Variants in TLR1 observed in about 807,000 individuals in gnomAD.
TLR1 encodes the protein toll-like receptor 1.
Under a neutral mutation model 20.2 loss-of-function variants are expected in TLR1, and 19 were observed. That is an observed-to-expected ratio of 0.94 (90% CI 0.66 to 1.38). TLR1 has a LOEUF of 1.38. TLR1 is among the 40% of genes most tolerant of loss of function. The pLI is 0.00. For missense variants in TLR1, 921 were observed against 910.0 expected (o/e 1.01, Z -0.16); for synonymous variants, 320 against 334.5 (o/e 0.96, Z 0.47).
downstream of TLR1, among the ~76,000 whole-genome samples, chr4:38,789,007 A>AAAAT (rs547433444): frequency 1.0e-3 from 158 of 152,312 alleles, no homozygotes; most frequent in African/African-American, 3.3e-3. Flanking sequence ...CTCTATCTCT[A>AAAAT]AAATAAATAA....
At position 38,796,255 on chromosome 4, in the gene TLR1, T is replaced by C. The variant is rs4624663; in HGVS notation, c.*216A>G. 0.03 allele frequency: 16,274 copies of C among 546,750 alleles called. 368 individuals carry two copies. The highest frequency in any genetic ancestry group is 0.076 in the African/African-American group (4,026 of 53,282). The allele number at this position is 546,750 out of a possible 1,614,324, so 33.9% of individuals were successfully genotyped here. A position where few individuals can be genotyped will look rare whatever the true frequency, so the allele number is the denominator to read the frequency against. Reference sequence around the variant, plus strand: ...TATAGCAAAGAAACAAGTGGATCCCTTATGTGTCAGAACTGTTTAAATCAA... The same window carrying C: ...TATAGCAAAGAAACAAGTGGATCCCCTATGTGTCAGAACTGTTTAAATCAA... On this transcript the variant is annotated 3_prime_UTR_variant, in exon 4 of 4. Coordinates refer to ENST00000308979, the MANE Select transcript of TLR1 (RefSeq NM_003263.4).
downstream of TLR1, among the ~76,000 whole-genome samples, chr4:38,792,875 A>C (rs951614811): frequency 1.2e-4 from 18 of 148,026 alleles, 1 homozygote; most frequent in South Asian, 2.2e-4. Flanking sequence ...ATATATATAT[A>C]TCTCCAAATT....
downstream of TLR1, among the ~76,000 whole-genome samples, chr4:38,795,769 TAATC>T (rs1726006411): frequency 6.6e-6 from 1 of 152,228 alleles, no homozygotes; most frequent in African/African-American, 2.4e-5. Flanking sequence ...CGAGAATACT[TAATC>T]AAGCCATTTC....
chr4:38,803,936 A>C (rs1463944508), intron 2 of TLR1, among the ~76,000 whole-genome samples: 1 of 152,230 alleles, frequency 6.6e-6, no homozygotes, highest in Non-Finnish European at 1.5e-5. Context: ...TGGAGGCATC[A>C]AATCAAGGCT....
At chr4:38,799,600 A>G (rs1726492223) in intron 3 of TLR1, among the ~76,000 whole-genome samples, 1 of 152,204 alleles carries the variant, frequency 6.6e-6, no homozygotes, top group South Asian at 2.1e-4. Context: ...TCTGGCCCCA[A>G]GCTTCCCAAA....
In TLR1 at chr4:38,796,808, G is replaced by A; in HGVS notation, c.2024C>T (p.Pro675Leu). 1 of 1,614,206 alleles carries A rather than the reference G, an allele frequency of 6.2e-7. No individual in the cohort carries two copies. The change falls in exon 4 of 4, where the codon CCT (proline) becomes CTT (leucine). Residue 675 changes from proline to leucine, a missense_variant. Coordinates refer to ENST00000308979, the MANE Select transcript of TLR1 (RefSeq NM_003263.4). ...GATATTTTCCACAATGCTCTTGCCA[G>A]GAACAAAGTTTCTCTCATGAAGGCA... is the stretch of plus-strand genomic sequence containing the variant. ...QICLHERNFV[P>L]GKSIVENIIT...
chr4:38,792,853 T>TTATATATATATATATATATATATA (rs72518392), downstream of TLR1, among the ~76,000 whole-genome samples: 1,445 of 121,562 alleles, frequency 0.012, 42 homozygotes, highest in Middle Eastern at 0.019. Flanking sequence ...TATTTTCAAA[T>TTATATATATATATATATATATATA]TATATATATA....
downstream of TLR1, chr4:38,796,214 A>T (rs1579198749): frequency 2.3e-6 from 1 of 440,096 alleles, no homozygotes; most frequent in East Asian, 3.8e-5. Context: ...ACTTCATGAT[A>T]AATTCAGAAC....
At chr4:38,791,801 A>G (rs1319664554), downstream of TLR1, among the ~76,000 whole-genome samples, 3 of 152,212 alleles carry the variant, frequency 2.0e-5, no homozygotes, top group African/African-American at 7.2e-5. Context: ...ATATGTATTA[A>G]CTCACTTAAT....
rs779746591 is a variant in TLR1 at position 38,798,220 on chromosome 4, A to AAAAC, written c.611_612insGTTT (p.Phe204LeufsTer18). The AAAAC allele has an allele frequency of 2.5e-6, 4 of 1,613,784 alleles. No individual in the cohort carries two copies. Among genetic ancestry groups the AAAAC allele is most frequent in the Middle Eastern group, 3.3e-4 (2 of 6,084 alleles). Reference sequence around the variant, plus strand: ...CAGTCTTGACTGACACATCCAAAATAAAATGGAATTCTTTGTTTGTGGGGA... The same window carrying AAAAC: ...CAGTCTTGACTGACACATCCAAAATAAAACAAATGGAATTCTTTGTTTGTGGGGA... On this transcript the variant is annotated frameshift_variant, in exon 4 of 4. Transcript: ENST00000308979. LOFTEE classifies it low-confidence loss of function (END_TRUNC).
intron 3 of TLR1, among the ~76,000 whole-genome samples, chr4:38,799,352 A>T (rs1358235501): frequency 1.3e-5 from 2 of 152,168 alleles, no homozygotes; most frequent in Non-Finnish European, 2.9e-5. Flanking sequence ...GAGGCAATTG[A>T]GACACAGAGG....
Position 38,797,005 on chromosome 4 carries a change from A to G in TLR1, c.1827T>C (p.Tyr609=), listed in dbSNP as rs748597526. 1 of 1,614,206 alleles carries G rather than the reference A, an allele frequency of 6.2e-7. No homozygotes were observed. The highest frequency in any genetic ancestry group is 8.5e-7 in the Non-Finnish European group (1 of 1,180,052). Reference sequence around the variant, plus strand: ...GGGTCCACTGGCACACCATCCTGAGATACCAGGGCAGATCCAAGTAGCTGC... The same window carrying G: ...GGGTCCACTGGCACACCATCCTGAGGTACCAGGGCAGATCCAAGTAGCTGC... ...SLCSYLDLPW[Y]LRMVCQWTQT... is the part of the protein sequence containing the mutation. The change falls in exon 4 of 4, where the codon TAT becomes TAC. Residue 609 remains tyrosine, a synonymous_variant. Transcript: ENST00000308979.
At chr4:38,791,461 A>G (rs141168045), downstream of TLR1, among the ~76,000 whole-genome samples, 234 of 152,336 alleles carry the variant, frequency 1.5e-3, 2 homozygotes, top group African/African-American at 5.1e-3. Context: ...CTTGATATAC[A>G]TGAATTTTAT....
downstream of TLR1, among the ~76,000 whole-genome samples, chr4:38,795,324 C>T (rs922087812): frequency 6.6e-6 from 1 of 152,146 alleles, no homozygotes; most frequent in Non-Finnish European, 1.5e-5. Context: ...TTTGTCAAGA[C>T]TACACCTGCC....
At chr4:38,800,131 C>G (rs1484362596) in intron 3 of TLR1, among the ~76,000 whole-genome samples, 4 of 152,020 alleles carry the variant, frequency 2.6e-5, no homozygotes, top group African/African-American at 7.2e-5. Flanking sequence ...GAATGAGTAA[C>G]CTATGGGAAG....
rs375393776 is a variant in TLR1 at position 38,796,434 on chromosome 4, T to C, written c.*37A>G. On this transcript the variant is annotated 3_prime_UTR_variant, in exon 4 of 4. Coordinates refer to ENST00000308979, the MANE Select transcript of TLR1 (RefSeq NM_003263.4). ...TTGTTGGAACTTCCAAAAGCAGCAATATCAACAGGAGGAATATTTTTCACT... is the reference window on the plus strand; with the variant it reads ...TTGTTGGAACTTCCAAAAGCAGCAACATCAACAGGAGGAATATTTTTCACT... 1.3e-6 allele frequency: 2 copies of C among 1,583,092 alleles called. No individual in the cohort carries two copies. The highest frequency in any genetic ancestry group is 2.7e-5 in the African/African-American group (2 of 73,838).
At position 38,796,464 on chromosome 4, in the gene TLR1, G is replaced by A; in HGVS notation, c.*7C>T. 6.2e-7 allele frequency: 1 copy of A among 1,601,244 alleles called. No homozygotes were observed. The highest frequency in any genetic ancestry group is 8.5e-7 in the Non-Finnish European group (1 of 1,170,758). Reference sequence around the variant, plus strand: ...ACAGGAGGAATATTTTTCACTTGATGTGTAATCTATTTCTTTGCTTGCTCT... The same window carrying A: ...ACAGGAGGAATATTTTTCACTTGATATGTAATCTATTTCTTTGCTTGCTCT... On this transcript the variant is annotated 3_prime_UTR_variant, in exon 4 of 4. Transcript: ENST00000308979.
rs1270820764 is a variant in TLR1, at chr4:38,797,378, C to T, written c.1454G>A (p.Gly485Glu). Reference sequence around the variant, plus strand: ...AGAAAGGCTGCTAAAGCTGCCACATCCAGGAAGGTCAGTTAAAGAATTGAA... The same window carrying T: ...AGAAAGGCTGCTAAAGCTGCCACATTCAGGAAGGTCAGTTAAAGAATTGAA... ...VAFNSLTDLP[G>E]CGSFSSLSVL... The change falls in exon 4 of 4, where the codon GGA becomes GAA. Residue 485 changes from glycine (G) to glutamate (E), a missense_variant. Gly to Glu is a moderately conservative substitution (Grantham distance 98). Coordinates refer to ENST00000308979, the MANE Select transcript of TLR1 (RefSeq NM_003263.4). 6.2e-7 allele frequency: 1 copy of T among 1,613,936 alleles called. No homozygotes were observed. Among genetic ancestry groups the T allele is most frequent in the Non-Finnish European group, 8.5e-7 (1 of 1,179,966 alleles).
Position 38,797,820 on chromosome 4 carries a change from T to C in TLR1, c.1012A>G (p.Met338Val), listed in dbSNP as rs535191236. The stretch of plus-strand genomic sequence containing the variant: ...TTGGATGGGCAAAGCATGTGGACCA[T>C]GCGTGTACCAGACACTGTGAAATTT... Reference protein sequence around the residue: ...IKNFTVSGTRMVHMLCPSKIS... With the variant: ...IKNFTVSGTRVVHMLCPSKIS... Residue 338 changes from methionine to valine, a missense_variant, in exon 4 of 4, where the codon ATG (methionine) becomes GTG (valine). Coordinates refer to ENST00000308979, the MANE Select transcript of TLR1 (RefSeq NM_003263.4). 2.5e-6 allele frequency: 4 copies of C among 1,614,166 alleles called. No homozygotes were observed. The African/African-American group carries it at 4.0e-5, about 16-fold the overall frequency.
Sources: allele counts gnomAD v4.1 joint callset (sites outside exome capture counted in the v4.1 genomes callset), GRCh38; gene constraint gnomAD v4.1.1; transcripts MANE v1.5; gene names NCBI Gene and HGNC (gene_info 2026-07-23, HGNC 2026-07-21).